ZNF394: variants seen among roughly 807,000 people sequenced by gnomAD.
ZNF394 encodes zinc finger protein 99.
Under a neutral mutation model 21.8 loss-of-function variants are expected in ZNF394, and 19 were observed. The observed-to-expected ratio is 0.87, with a 90% confidence interval of 0.61 to 1.28. The LOEUF (loss-of-function observed/expected upper bound fraction) is 1.28, where lower values mean the gene tolerates loss of function less well. ZNF394 is among the 50% of genes most tolerant of loss of function. The probability of loss-of-function intolerance (pLI) is 0.00; values close to 1 mark genes in which losing one functional copy is unlikely to be tolerated. For missense variants in ZNF394, 683 were observed against 708.6 expected, an observed-to-expected ratio of 0.96 and a Z score of 0.41; for synonymous variants, 294 against 273.3, an observed-to-expected ratio of 1.08 and a Z score of -0.75.
At chr7:99,489,545 A>T (rs1220916816), downstream of ZNF394, among the ~76,000 whole-genome samples, 5 of 152,264 alleles carry the variant, frequency 3.3e-5, no homozygotes, top group Non-Finnish European at 5.9e-5. Context: ...GTTCCCCATG[A>T]ATTGCACACA....
Position 99,499,637 on chromosome 7 carries a change from C to T in ZNF394, c.456+1G>A. On this transcript the variant is annotated splice_donor_variant, in intron 1 of 2. Coordinates refer to ENST00000337673, the MANE Select transcript of ZNF394 (RefSeq NM_032164.4). LOFTEE classifies it high-confidence loss of function. ...TCCAGAACAGGCCTTTCGCTTCTCA[C>T]CTGGGATGAGGTTCCATCGAGCGCT... The T allele has an allele frequency of 6.3e-7, 1 of 1,585,152 alleles. No homozygotes were observed.
At chr7:99,495,947 A>G (rs908277538) in intron 2 of ZNF394, among the ~76,000 whole-genome samples, 3 of 149,066 alleles carry the variant, frequency 2.0e-5, no homozygotes, top group African/African-American at 5.0e-5. Flanking sequence ...TTTGAGACAG[A>G]GTCTCACTCT....
downstream of ZNF394, among the ~76,000 whole-genome samples, chr7:99,492,856 G>A (rs981573641): frequency 2.0e-5 from 3 of 151,872 alleles, no homozygotes; most frequent in South Asian, 2.1e-4. Flanking sequence ...GGAGGTTAAG[G>A]CAAGAGGATC....
rs540060067 is a variant in ZNF394 at position 99,493,381 on chromosome 7, C to T, written c.*148G>A. On this transcript the variant is annotated 3_prime_UTR_variant, in exon 3 of 3. Transcript: ENST00000337673. Reference sequence around the variant, plus strand: ...AAGTGATTCTCCTACCTCAGCCTCCCGAATAGCTGGGCTTACAGGCATGCA... The same window carrying T: ...AAGTGATTCTCCTACCTCAGCCTCCTGAATAGCTGGGCTTACAGGCATGCA... 3 of 1,012,640 alleles carry T rather than the reference C, an allele frequency of 3.0e-6. No homozygotes were observed. Among genetic ancestry groups the T allele is most frequent in the East Asian group, 2.8e-5 (1 of 36,352 alleles). The allele number at this position is 1,012,640 out of a possible 1,614,324, so 62.7% of individuals were successfully genotyped here.
Position 99,493,854 on chromosome 7 carries a change from G to A in ZNF394, c.1361C>T (p.Ser454Phe), listed in dbSNP as rs1405452307. The A allele has an allele frequency of 1.9e-6, 3 of 1,614,018 alleles. No individual in the cohort carries two copies. Among genetic ancestry groups the A allele is most frequent in the Non-Finnish European group, 1.7e-6 (2 of 1,180,042 alleles). ...TAGTCTCTGATGTCTAAAAAGGTTGGAAATATGACAGGTTTCCCCGCATTC... is the reference window on the plus strand; with the variant it reads ...TAGTCTCTGATGTCTAAAAAGGTTGAAAATATGACAGGTTTCCCCGCATTC... ...CEECGETCHISNLFRHQRLHK... is the reference protein window; with the variant it reads ...CEECGETCHIFNLFRHQRLHK... The change falls in exon 3 of 3, where the codon TCC (serine) becomes TTC (phenylalanine). Residue 454 changes from serine to phenylalanine, a missense_variant. Ser to Phe is a radical substitution (Grantham distance 155). Around this residue, in one of 3 missense-constraint regions of ZNF394, gnomAD observed 274 missense variants for 314.1 expected, o/e 0.87. Coordinates refer to ENST00000337673, the MANE Select transcript of ZNF394 (RefSeq NM_032164.4).
At chr7:99,497,393 G>T (rs1352242573) in intron 2 of ZNF394, among the ~76,000 whole-genome samples, 2 of 150,168 alleles carry the variant, frequency 1.3e-5, no homozygotes, top group Non-Finnish European at 3.0e-5. Context: ...TGTTAGCCAG[G>T]ATAGTCTCAA....
At chr7:99,487,147 C>T in intron 1 of ZNF394, 2 of 1,614,120 alleles carry the variant, frequency 1.2e-6, no homozygotes, top group Non-Finnish European at 1.7e-6. Context: ...AGAAAAACGC[C>T]ATAAATGCCT....
chr7:99,493,860 T>C lies in ZNF394; in HGVS notation c.1355A>G (p.His452Arg). The part of the protein sequence containing the change: ...FKCEECGETC[H>R]ISNLFRHQRL... ...CTGATGTCTAAAAAGGTTGGAAATA[T>C]GACAGGTTTCCCCGCATTCCTCACA... Residue 452 changes from histidine to arginine, a missense_variant, in exon 3 of 3, where the codon CAT becomes CGT. Physicochemically the swap from His to Arg is conservative, Grantham distance 29. This residue lies in a region of ZNF394 where 274 missense variants were observed against 314.1 expected (regional missense o/e 0.87). Transcript: ENST00000337673. 2 of 1,614,184 alleles carry C rather than the reference T, an allele frequency of 1.2e-6. No homozygotes were observed. The highest frequency in any genetic ancestry group is 1.7e-6 in the Non-Finnish European group (2 of 1,180,036).
At chr7:99,489,548 T>G (rs1019203672), downstream of ZNF394, among the ~76,000 whole-genome samples, 1 of 152,160 alleles carries the variant, frequency 6.6e-6, no homozygotes, top group African/African-American at 2.4e-5. Flanking sequence ...CCCCATGAAT[T>G]GCACACAGGC....
chr7:99,493,258 C>A lies in ZNF394; in HGVS notation c.*271G>T. 8.7e-7 allele frequency: 1 copy of A among 1,144,138 alleles called. No homozygotes were observed. The allele number at this position is 1,144,138 out of a possible 1,614,324, so 70.9% of individuals were successfully genotyped here. A position where few individuals can be genotyped will look rare whatever the true frequency, so the allele number is the denominator to read the frequency against. Reference sequence around the variant, plus strand: ...ACATAGAAACATATCAAAATGACAGCACTTTATTTCTTTTTTGAGATGGAG... The same window carrying A: ...ACATAGAAACATATCAAAATGACAGAACTTTATTTCTTTTTTGAGATGGAG... On this transcript the variant is annotated 3_prime_UTR_variant, in exon 3 of 3. Coordinates refer to ENST00000337673, the MANE Select transcript of ZNF394 (RefSeq NM_032164.4).
At position 99,499,882 on chromosome 7, in the gene ZNF394, C is replaced by T. The variant is rs149518439; in HGVS notation, c.212G>A (p.Arg71His). The T allele has an allele frequency of 2.5e-6, 4 of 1,614,052 alleles. No individual in the cohort carries two copies. The highest frequency in any genetic ancestry group is 2.7e-5 in the African/African-American group (2 of 74,944). ...ETSRLHFRQL[R>H]YQEVAGPEEA... Reference sequence around the variant, plus strand: ...TTCCGGTCCAGCCACCTCCTGGTAACGCAGCTGCCTAAAGTGCAGTCGAGA... The same window carrying T: ...TTCCGGTCCAGCCACCTCCTGGTAATGCAGCTGCCTAAAGTGCAGTCGAGA... The change falls in exon 1 of 3, where the codon CGT (arginine) becomes CAT (histidine). Residue 71 changes from arginine (R) to histidine (H), a missense_variant. Physicochemically the swap from Arg to His is conservative, Grantham distance 29 (BLOSUM62 0). Transcript: ENST00000337673.
chr7:99,495,009 G>A (rs1584144057), intron 2 of ZNF394, among the ~76,000 whole-genome samples: 1 of 151,622 alleles, frequency 6.6e-6, no homozygotes, highest in African/African-American at 2.4e-5. Context: ...TTTATTTTGA[G>A]ACAGAGTATT....
At chr7:99,492,933 TACG>T (rs1440797775), downstream of ZNF394, among the ~76,000 whole-genome samples, 6 of 152,068 alleles carry the variant, frequency 3.9e-5, no homozygotes, top group East Asian at 1.9e-4. Flanking sequence ...GCTGGAGGGC[TACG>T]ACGAGACCCA....
At chr7:99,491,495 C>T (rs1800158783), downstream of ZNF394, among the ~76,000 whole-genome samples, 1 of 152,048 alleles carries the variant, frequency 6.6e-6, no homozygotes, top group South Asian at 2.1e-4. Context: ...ATGGGTTCAG[C>T]TTGGGGGCTA....
At chr7:99,491,707 C>T (rs1234014383), downstream of ZNF394, among the ~76,000 whole-genome samples, 10 of 132,636 alleles carry the variant, frequency 7.5e-5, no homozygotes, top group East Asian at 2.1e-3. Flanking sequence ...ACCTGGGAGG[C>T]GGAGGTTGCA....
chr7:99,491,778 A>AAG (rs1800165886), downstream of ZNF394, among the ~76,000 whole-genome samples: 1 of 138,968 alleles, frequency 7.2e-6, no homozygotes, highest in Non-Finnish European at 1.6e-5. Context: ...TCTCAAAAAA[A>AAG]AAAAAAAAAA....
intron 2 of ZNF394, among the ~76,000 whole-genome samples, chr7:99,495,655 T>C (rs1450832743): frequency 7.8e-6 from 1 of 128,872 alleles, no homozygotes; most frequent in South Asian, 2.5e-4. Context: ...AGTTTCGCTC[T>C]TGTTGCCAAG....
chr7:99,494,093 A>C lies in ZNF394; in HGVS notation c.1122T>G (p.Phe374Leu). ...GKSFKQRSDL[F>L]RHQRIHTGEK... ...CACCTGTGTGGATTCTCTGGTGTCT[A>C]AAGAGGTCAGAGCGTTGTTTGAAAC... Residue 374 changes from phenylalanine to leucine, a missense_variant, in exon 3 of 3, where the codon TTT (phenylalanine) becomes TTG (leucine). Around this residue, in one of 3 missense-constraint regions of ZNF394, gnomAD observed 274 missense variants for 314.1 expected, o/e 0.87. Coordinates refer to ENST00000337673, the MANE Select transcript of ZNF394 (RefSeq NM_032164.4). The C allele has an allele frequency of 6.2e-7, 1 of 1,614,178 alleles. No homozygotes were observed. The highest frequency in any genetic ancestry group is 8.5e-7 in the Non-Finnish European group (1 of 1,180,030).
rs761801580 is a variant in ZNF394 at position 99,498,854 on chromosome 7, C to A, written c.457-12G>T. 6.8e-6 allele frequency: 11 copies of A among 1,609,218 alleles called. 1 individual carries two copies. In the South Asian group the frequency reaches 1.2e-4, roughly 18 times the overall value. Reference sequence around the variant, plus strand: ...AAAGTCACCATCCCCTGGAACAACACAAGAGCCCCATTCAGTACCTGCTGT... The same window carrying A: ...AAAGTCACCATCCCCTGGAACAACAAAAGAGCCCCATTCAGTACCTGCTGT... On this transcript the variant is annotated splice_polypyrimidine_tract_variant and intron_variant, in intron 1 of 2. Transcript: ENST00000337673.
Sources: gnomAD v4.1 joint callset for allele counts (sites outside exome capture counted in the v4.1 genomes callset) on GRCh38, gnomAD v4.1.1 for gene constraint, gnomAD v4.1.1 regional missense constraint, MANE v1.5 for transcripts, NCBI Gene and HGNC (gene_info 2026-07-23, HGNC 2026-07-21) for gene names.